The following LRRIQ1 variants were observed in gnomAD, a reference collection of about 807,000 sequenced individuals.
LRRIQ1 encodes the protein leucine rich repeats and IQ motif containing 1.
LRRIQ1 carries 210 observed loss-of-function variants against 211.9 expected under a neutral mutation model. The observed-to-expected ratio is 0.99, with a 90% CI of 0.89 to 1.11. The LOEUF is 1.11. LRRIQ1 is among the 50% of genes most tolerant of loss of function. LRRIQ1 has a pLI of 0.00. For synonymous variants in LRRIQ1, 699 were observed against 650.1 expected, an observed-to-expected ratio of 1.08 and a Z score of -1.14; for missense variants, 2,136 against 1,939.5, an observed-to-expected ratio of 1.10 and a Z score of -1.90.
intron 3 of LRRIQ1, 44 bp from the exon 4 acceptor site, chr12:85,044,674 T>A (rs566141928): frequency 1.0e-6 from 1 of 991,864 alleles, no homozygotes; most frequent in African/African-American, 1.6e-5. Context: ...GATGTTGTAT[T>A]GTACTCTAAT....
At chr12:85,162,272 A>C (rs1890926562) in intron 24 of LRRIQ1, among the ~76,000 whole-genome samples, 1 of 152,172 alleles carries the variant, frequency 6.6e-6, no homozygotes, top group African/African-American at 2.4e-5. Flanking sequence ...TTTTGATAGA[A>C]TTAAAATATA....
intron 24 of LRRIQ1, among the ~76,000 whole-genome samples, chr12:85,186,649 CA>C (rs1425772357): frequency 6.6e-6 from 1 of 151,884 alleles, no homozygotes; most frequent in African/African-American, 2.4e-5. Context: ...GTGAAATATG[CA>C]AAAAATATAT....
chr12:85,192,624 A>G (rs1165872946), intron 24 of LRRIQ1, among the ~76,000 whole-genome samples: 5 of 105,942 alleles, frequency 4.7e-5, no homozygotes, highest in Non-Finnish European at 5.0e-5. Flanking sequence ...TACTATAATT[A>G]TAAATAAATA....
At chr12:85,096,118 A>G (rs554219561) in intron 11 of LRRIQ1, among the ~76,000 whole-genome samples, 8 of 151,910 alleles carry the variant, frequency 5.3e-5, no homozygotes, top group Non-Finnish European at 8.8e-5. Context: ...AGAGCTTTCA[A>G]TTTTGTTTAT....
At chr12:85,110,741 T>G (rs1254659696) in intron 15 of LRRIQ1, among the ~76,000 whole-genome samples, 2 of 152,028 alleles carry the variant, frequency 1.3e-5, no homozygotes, top group Non-Finnish European at 2.9e-5. Flanking sequence ...TAAAAGCAAT[T>G]CTGGGGGAGG....
At chr12:85,214,225 A>G (rs1451984280) in intron 24 of LRRIQ1, among the ~76,000 whole-genome samples, 1 of 144,082 alleles carries the variant, frequency 6.9e-6, no homozygotes, top group Non-Finnish European at 1.5e-5. Flanking sequence ...TGAAAATGCT[A>G]AAGAAAAGCT....
intron 19 of LRRIQ1, among the ~76,000 whole-genome samples, chr12:85,140,850 T>C (rs1889488838): frequency 6.6e-6 from 1 of 151,296 alleles, no homozygotes; most frequent in Non-Finnish European, 1.5e-5. Flanking sequence ...TTGGATTTTA[T>C]CAAATACTTC....
intron 24 of LRRIQ1, among the ~76,000 whole-genome samples, chr12:85,175,815 G>T (rs865802280): frequency 2.4e-4 from 36 of 152,124 alleles, no homozygotes; most frequent in Middle Eastern, 3.4e-3. Context: ...CAGATAGTTG[G>T]AGATATGCGG....
chr12:85,141,675 T>C (rs1889549042), intron 19 of LRRIQ1, among the ~76,000 whole-genome samples: 1 of 150,878 alleles, frequency 6.6e-6, no homozygotes, highest in Admixed American at 6.6e-5. Flanking sequence ...ATGTATCTTA[T>C]AACTGCATAT....
chr12:85,132,555 C>T (rs1206370891), intron 18 of LRRIQ1, among the ~76,000 whole-genome samples: 5 of 151,984 alleles, frequency 3.3e-5, no homozygotes, highest in Admixed American at 3.3e-4. Context: ...ATTGCTTGAG[C>T]TCAGGAGTTC....
intron 24 of LRRIQ1, among the ~76,000 whole-genome samples, chr12:85,218,652 A>G (rs1289949923): frequency 1.3e-5 from 2 of 152,110 alleles, no homozygotes; most frequent in Non-Finnish European, 2.9e-5. Context: ...TTATTCTCTA[A>G]TGAATTTCCT....
intron 24 of LRRIQ1, among the ~76,000 whole-genome samples, chr12:85,176,302 CTGTT>C (rs1381386166): frequency 6.6e-6 from 1 of 151,852 alleles, no homozygotes; most frequent in African/African-American, 2.4e-5. Flanking sequence ...ATTTGGCTCT[CTGTT>C]TGTCTGTTAT....
intron 11 of LRRIQ1, among the ~76,000 whole-genome samples, chr12:85,090,632 A>T (rs1885284548): frequency 6.6e-6 from 1 of 152,054 alleles, no homozygotes; most frequent in South Asian, 2.1e-4. Flanking sequence ...CATTTGGCTG[A>T]TTTCTCCCTT....
rs1882321440 is a variant in LRRIQ1 at position 85,065,351 on chromosome 12, C to T, written c.2481C>T (p.Arg827=). Residue 827 remains arginine, a synonymous_variant, in exon 9 of 27, where the codon CGC becomes CGT. Transcript: ENST00000393217. ...CTNLQFLSLR[R]CGLTSLHSLS... ...ATCTTCAGTTTCTATCCCTTCGACGCTGTGGATTAACTTCTTTGCACAGCC... is the reference window on the plus strand; with the variant it reads ...ATCTTCAGTTTCTATCCCTTCGACGTTGTGGATTAACTTCTTTGCACAGCC... 6.2e-7 allele frequency: 1 copy of T among 1,610,970 alleles called. No individual in the cohort carries two copies. Among genetic ancestry groups the T allele is most frequent in the East Asian group, 2.2e-5 (1 of 44,770 alleles).
intron 18 of LRRIQ1, 70 bp downstream of exon 18, chr12:85,128,103 T>A (rs1888510225): frequency 8.6e-7 from 1 of 1,160,880 alleles, no homozygotes; most frequent in Admixed American, 1.9e-5. Flanking sequence ...TTATTCTGTA[T>A]TAAAAATAAC....
At chr12:85,259,064 G>A (rs1326912710) in intron 1 of LRRIQ1, among the ~76,000 whole-genome samples, 1 of 151,982 alleles carries the variant, frequency 6.6e-6, no homozygotes, top group Non-Finnish European at 1.5e-5. Context: ...TAGCAAAGAA[G>A]TGACTTCTTG....
intron 1 of LRRIQ1, among the ~76,000 whole-genome samples, chr12:85,260,277 A>G (rs954258324): frequency 2.6e-5 from 4 of 152,024 alleles, no homozygotes; most frequent in Non-Finnish European, 5.9e-5. Flanking sequence ...CAATTCATAC[A>G]CTGCACTCCA....
At chr12:85,217,496 ATATATATATATATGTGTG>A (rs1189108966) in intron 24 of LRRIQ1, among the ~76,000 whole-genome samples, 3 of 78,352 alleles carry the variant, frequency 3.8e-5, no homozygotes, top group Non-Finnish European at 6.5e-5. Context: ...ATATATGTAT[ATATATATATATATGTGTG>A]TGTGTGTGTG....
In LRRIQ1 at chr12:85,038,272, T is replaced by C; in HGVS notation, c.96T>C (p.Asp32=). 6.3e-7 allele frequency: 1 copy of C among 1,583,866 alleles called. No homozygotes were observed. The highest frequency in any genetic ancestry group is 8.6e-7 in the Non-Finnish European group (1 of 1,163,428). The change falls in exon 2 of 27, where the codon GAT becomes GAC. Residue 32 remains aspartate, a synonymous_variant. Coordinates refer to ENST00000393217, the MANE Select transcript of LRRIQ1 (RefSeq NM_001079910.2). ...SSLEKEDIES[D]AKSETQSDDS... ...TGGAAAAAGAAGACATTGAGAGTGA[T>C]GCAAAATCAGAAACCCAGAGTGATG...
Sources: gnomAD v4.1 joint callset for allele counts (sites outside exome capture counted in the v4.1 genomes callset) on GRCh38, gnomAD v4.1.1 for gene constraint, MANE v1.5 for transcripts, NCBI Gene and HGNC (gene_info 2026-07-23, HGNC 2026-07-21) for gene names.